The following SLC43A2 variants were observed in gnomAD, a reference collection of about 807,000 sequenced individuals.
SLC43A2 encodes solute carrier family 43 member 2, also known as large neutral amino acids transporter small subunit 4.
Under a neutral mutation model 63.2 loss-of-function variants are expected in SLC43A2, and 38 were observed. The ratio of observed to expected loss-of-function variants is 0.60; its 90% CI spans 0.46 to 0.79. The LOEUF (loss-of-function observed/expected upper bound fraction) is 0.79, where lower values mean the gene tolerates loss of function less well. Ranked by LOEUF, SLC43A2 falls within the 30% of genes least tolerant of loss-of-function variation. The pLI is 0.00. For synonymous variants in SLC43A2, 322 were observed against 331.0 expected (o/e 0.97, Z 0.30); for missense variants, 644 against 756.2 (o/e 0.85, Z 1.74).
At chr17:1,591,739 G>GGGCGGGGC in intron 6 of SLC43A2, 40 bp from the exon 7 acceptor site, 1 of 512,310 alleles carries the variant, frequency 2.0e-6, no homozygotes, top group Non-Finnish European at 3.9e-6. Flanking sequence ...GGGGGAGGGG[G>GGGCGGGGC]CAGAGTTAGC....
intron 11 of SLC43A2, among the ~76,000 whole-genome samples, chr17:1,581,127 C>T (rs919277205): frequency 1.3e-5 from 2 of 151,658 alleles, no homozygotes; most frequent in African/African-American, 4.8e-5. Context: ...CAGCCAGGAC[C>T]TGTTCCCAGG....
Position 1,575,689 on chromosome 17 carries a change from A to G in SLC43A2, c.1625T>C (p.Leu542Pro), listed in dbSNP as rs933500716. 6.2e-7 allele frequency: 1 copy of G among 1,614,006 alleles called. No individual in the cohort carries two copies. Among genetic ancestry groups the G allele is most frequent in the African/African-American group, 1.3e-5 (1 of 74,928 alleles). ...PLYLICYRRQ[L>P]ERQLQQRQED... is the part of the protein sequence containing the mutation. ...CTGCCTCTGCTGCAGCTGCCGCTCCAGCTGGCGCCGGTAGCAGATCAGGTA... is the reference window on the plus strand; with the variant it reads ...CTGCCTCTGCTGCAGCTGCCGCTCCGGCTGGCGCCGGTAGCAGATCAGGTA... The change falls in exon 14 of 14, where the codon CTG becomes CCG. Residue 542 changes from leucine (L) to proline (P), a missense_variant. Physicochemically the swap from Leu to Pro is moderately conservative, Grantham distance 98. Around this residue, in one of 3 missense-constraint regions of SLC43A2, gnomAD observed 105 missense variants for 101.7 expected, o/e 1.03. Coordinates refer to ENST00000301335, the MANE Select transcript of SLC43A2 (RefSeq NM_152346.3).
intron 5 of SLC43A2, chr17:1,604,979 G>GGCCTC: frequency 6.9e-7 from 1 of 1,449,556 alleles, no homozygotes; most frequent in Non-Finnish European, 9.1e-7. Context: ...CCCTAGCGCG[G>GGCCTC]GCCTCGAGGG....
At chr17:1,608,133 C>A (rs917841423) in intron 5 of SLC43A2, among the ~76,000 whole-genome samples, 3 of 152,216 alleles carry the variant, frequency 2.0e-5, no homozygotes, top group Non-Finnish European at 4.4e-5. Context: ...AGCTCTACCC[C>A]ATGAAGTTTT....
Position 1,606,333 on chromosome 17 carries a change from T to C in SLC43A2, c.501+6862A>G, listed in dbSNP as rs756933568. Among the ~76,000 whole-genome samples, 5 of 152,158 alleles carry C rather than the reference T, an allele frequency of 3.3e-5. No individual in the cohort carries two copies. Among genetic ancestry groups the C allele is most frequent in the African/African-American group, 7.2e-5 (3 of 41,436 alleles). ...GAAGAGGGATGTTTATCCTCTTCAC[T>C]TCCCTCAGATCCCACCTCCCATGAA... On this transcript the variant is annotated intron_variant, in intron 5 of 13. Transcript: ENST00000301335. The surrounding 1 kb of genome is among the most constrained non-coding windows in gnomAD (Gnocchi z 4.7).
At position 1,616,226 on chromosome 17, in the gene SLC43A2, G is replaced by T. The variant is rs892933809; in HGVS notation, c.368+336C>A. 5.4e-4 allele frequency: 163 copies of T among 302,014 alleles called. 2 individuals carry two copies. Among genetic ancestry groups the T allele is most frequent in the Non-Finnish European group, 2.2e-4 (36 of 163,392 alleles). The allele number at this position is 302,014 out of a possible 1,614,324, so 18.7% of individuals were successfully genotyped here. A position where few individuals can be genotyped will look rare whatever the true frequency, so the allele number is the denominator to read the frequency against. ...GATACTGTGCCAGCTTCGTAACAAG[G>T]TTTGAGGGAAGCATGTCTCACACAT... On this transcript the variant is annotated intron_variant, in intron 3 of 13. Transcript: ENST00000301335.
intron 11 of SLC43A2, among the ~76,000 whole-genome samples, chr17:1,581,956 G>GCA (rs2076023651): frequency 1.3e-5 from 2 of 151,688 alleles, no homozygotes; most frequent in Admixed American, 6.6e-5. Flanking sequence ...ACAGGCATGT[G>GCA]CCACCACGCC....
At chr17:1,588,957 C>T (rs1904489411) in intron 9 of SLC43A2, among the ~76,000 whole-genome samples, 1 of 152,208 alleles carries the variant, frequency 6.6e-6, no homozygotes, top group African/African-American at 2.4e-5. Context: ...CACGGCACAC[C>T]CCCTCCTGCG....
Position 1,585,915 on chromosome 17 carries a change from G to A in SLC43A2, c.1215C>T (p.Asn405=). 1 of 1,613,754 alleles carries A rather than the reference G, an allele frequency of 6.2e-7. No individual in the cohort carries two copies. Among genetic ancestry groups the A allele is most frequent in the Non-Finnish European group, 8.5e-7 (1 of 1,180,010 alleles). The stretch of plus-strand genomic sequence containing the variant: ...GGGCACCGGCCCTGCCTACGCACTG[G>A]TTGGCGTCTTTCTCCTCGGGCTCCT... ...ASEEPEEKDA[N]QGEKKKKKRD... Residue 405 remains asparagine, a splice_region_variant and synonymous_variant, in exon 10 of 14, where the codon AAC becomes AAT. Coordinates refer to ENST00000301335, the MANE Select transcript of SLC43A2 (RefSeq NM_152346.3).
At chr17:1,581,348 C>T (rs974782219) in intron 11 of SLC43A2, among the ~76,000 whole-genome samples, 5 of 152,340 alleles carry the variant, frequency 3.3e-5, no homozygotes, top group East Asian at 1.9e-4. Flanking sequence ...CTGGACAAGG[C>T]GGTTAGGGCA....
intron 9 of SLC43A2, among the ~76,000 whole-genome samples, chr17:1,586,588 A>G (rs1348603437): frequency 1.3e-5 from 2 of 152,056 alleles, no homozygotes; most frequent in Non-Finnish European, 2.9e-5. Flanking sequence ...CCAGCTACTC[A>G]GGAGGCTACA....
At chr17:1,629,580 C>T (rs1908996068), upstream of SLC43A2, among the ~76,000 whole-genome samples, 1 of 152,194 alleles carries the variant, frequency 6.6e-6, no homozygotes, top group African/African-American at 2.4e-5. Flanking sequence ...GATGGGGTCT[C>T]CTGAGCTCCC....
At chr17:1,596,042 C>A (rs765625501) in intron 5 of SLC43A2, among the ~76,000 whole-genome samples, 1 of 151,970 alleles carries the variant, frequency 6.6e-6, no homozygotes, top group Admixed American at 6.6e-5. Context: ...AAAAGAGAGC[C>A]GGGCGCGGTG....
chr17:1,614,954 G>A, intron 4 of SLC43A2, 25 bp downstream of exon 4: 1 of 1,612,914 alleles, frequency 6.2e-7, no homozygotes, highest in Non-Finnish European at 8.5e-7. Flanking sequence ...GTCCCTGACA[G>A]AAGATGGAGG....
intron 8 of SLC43A2, 106 bp downstream of exon 8, chr17:1,591,163 G>T: frequency 7.0e-7 from 1 of 1,433,768 alleles, no homozygotes; most frequent in Non-Finnish European, 9.4e-7. Flanking sequence ...CTGCAGAACA[G>T]GGCGGGCGGG....
Position 1,572,268 on chromosome 17 carries a change from C to G in SLC43A2, c.*3336G>C, listed in dbSNP as rs1394118595. 1 of 145,708 alleles carries G rather than the reference C, an allele frequency of 6.9e-6. No individual in the cohort carries two copies. The highest frequency in any genetic ancestry group is 6.8e-5 in the Admixed American group (1 of 14,804). The allele number at this position is 145,708 out of a possible 1,614,324, so 9.0% of individuals were successfully genotyped here. ...ACCCCCCTGCCACAGAGGCCCCCCC[C>G]CCGCCACAGAGGTCCCCCCTGCCAC... On this transcript the variant is annotated 3_prime_UTR_variant, in exon 14 of 14. Coordinates refer to ENST00000301335, the MANE Select transcript of SLC43A2 (RefSeq NM_152346.3).
At chr17:1,615,835 T>A (rs1048716100) in intron 3 of SLC43A2, among the ~76,000 whole-genome samples, 1 of 84,598 alleles carries the variant, frequency 1.2e-5, no homozygotes, top group Non-Finnish European at 2.4e-5. Flanking sequence ...AGAGGGAGAC[T>A]CCATCTCAAT....
At chr17:1,628,490 G>A (rs1474664252) in intron 1 of SLC43A2, 1 of 151,538 alleles carries the variant, frequency 6.6e-6, no homozygotes, top group Admixed American at 6.6e-5. Context: ...CGCCGTCTAG[G>A]TCGCTAGGCG....
chr17:1,595,429 G>A lies in SLC43A2; in HGVS notation c.502-2150C>T, dbSNP rs372893462. 1.1e-3 allele frequency among the ~76,000 whole-genome samples: 166 copies of A among 151,350 alleles called. 1 individual carries two copies. The highest frequency in any genetic ancestry group is 3.6e-3 in the African/African-American group (149 of 41,280). ...CAAGTCACTGGGACAACAGGCCCAC[G>A]CCACCATGCCCCAGCTAGTGGTTTT... On this transcript the variant is annotated intron_variant, in intron 5 of 13. Transcript: ENST00000301335.
Sources: allele counts gnomAD v4.1 joint callset (sites outside exome capture counted in the v4.1 genomes callset), GRCh38; gene constraint gnomAD v4.1.1; regional missense constraint gnomAD v4.1.1; non-coding constraint Gnocchi (gnomAD v3.1); transcripts MANE v1.5; gene names NCBI Gene and HGNC (gene_info 2026-07-23, HGNC 2026-07-21).